ADAM22: variants seen among roughly 807,000 people sequenced by gnomAD.
ADAM22 encodes the protein ADAM metallopeptidase domain 22, also known as disintegrin and metalloproteinase domain-containing protein 22.
Under a neutral mutation model 144.6 loss-of-function variants are expected in ADAM22, and 65 were observed. That is an observed-to-expected ratio of 0.45 (90% confidence interval 0.37 to 0.55). ADAM22 has a LOEUF of 0.55. Ranked by LOEUF, ADAM22 falls within the 20% of genes least tolerant of loss-of-function variation. ADAM22 has a pLI of 0.00. For synonymous variants in ADAM22, 391 were observed against 412.6 expected (o/e 0.95, Z 0.63); for missense variants, 974 against 1,184.9 (o/e 0.82, Z 2.61).
At chr7:88,078,088 C>T (rs1481227995) in intron 4 of ADAM22, among the ~76,000 whole-genome samples, 3 of 152,146 alleles carry the variant, frequency 2.0e-5, no homozygotes, top group Admixed American at 6.5e-5. Context: ...CTGGGAGGCA[C>T]CCCCCAGTAG....
rs539571851 is a variant in ADAM22, at chr7:88,125,683, G to A, written c.678+24G>A. On this transcript the variant is annotated intron_variant, in intron 8 of 31. Transcript: ENST00000413139. ...AGGTATGTATTCACAGTGGTGTGTCGTGTTATTTTAAAACAATTGTCAACT... is the reference window on the plus strand; with the variant it reads ...AGGTATGTATTCACAGTGGTGTGTCATGTTATTTTAAAACAATTGTCAACT... The A allele has an allele frequency of 3.6e-5, 56 of 1,536,232 alleles. No homozygotes were observed. In the South Asian group the frequency reaches 4.6e-4, roughly 13 times the overall value.
intron 31 of ADAM22, among the ~76,000 whole-genome samples, chr7:88,193,844 C>A (rs1850126665): frequency 6.6e-6 from 1 of 152,204 alleles, no homozygotes; most frequent in Non-Finnish European, 1.5e-5. Flanking sequence ...TGATCCCAAA[C>A]CTAAATTATG....
chr7:88,045,296 G>A (rs1804323663), intron 3 of ADAM22, among the ~76,000 whole-genome samples: 1 of 152,168 alleles, frequency 6.6e-6, no homozygotes, highest in Non-Finnish European at 1.5e-5. Context: ...GGGATTATAG[G>A]CTTGAGCCAC....
In ADAM22 at chr7:88,185,228, T is replaced by C. The variant is rs1017168389; in HGVS notation, c.2664-1387T>C. Among the ~76,000 whole-genome samples the C allele has an allele frequency of 3.3e-5, 5 of 152,320 alleles. 1 individual carries two copies. In the South Asian group the frequency reaches 8.3e-4, roughly 25 times the overall value. ...TGTGAGTTGTTTCTGAGTCAGGAGA[T>C]ACTATCTTACCAAAAATGGTCTTAT... On this transcript the variant is annotated intron_variant, in intron 29 of 31. Transcript: ENST00000413139.
intron 3 of ADAM22, among the ~76,000 whole-genome samples, chr7:88,069,105 C>A (rs1279214429): frequency 6.6e-6 from 1 of 151,900 alleles, no homozygotes; most frequent in Non-Finnish European, 1.5e-5. Context: ...CCCCCTCTCT[C>A]TCTGGCTCGC....
At chr7:88,102,200 A>G (rs1326078240) in intron 4 of ADAM22, among the ~76,000 whole-genome samples, 2 of 152,172 alleles carry the variant, frequency 1.3e-5, no homozygotes, top group Non-Finnish European at 2.9e-5. Flanking sequence ...ACAGTTTGGT[A>G]TTGAATATTT....
intron 4 of ADAM22, among the ~76,000 whole-genome samples, chr7:88,099,059 A>G (rs951885457): frequency 6.6e-6 from 1 of 152,208 alleles, no homozygotes; most frequent in Non-Finnish European, 1.5e-5. Context: ...ACCTGTGATA[A>G]GATGGGCAGT....
chr7:88,074,411 C>T (rs952609832), intron 3 of ADAM22, among the ~76,000 whole-genome samples: 2 of 152,056 alleles, frequency 1.3e-5, no homozygotes, highest in South Asian at 4.1e-4. Flanking sequence ...CTGAAAATAT[C>T]TTAAAAGGGT....
At position 88,179,058 on chromosome 7, in the gene ADAM22, G is replaced by A. The variant is rs2129537282; in HGVS notation, c.2424G>A (p.Ser808=). ...SSSKKRSAFL[S]HFQISTCSIT... ...CTAAGAAGAGGTCTGCTTTTCTGTC[G>A]CATTTTCAGATTTCTACCTGTTCCA... The change falls in exon 27 of 32, where the codon TCG becomes TCA. Residue 808 remains serine (S), a synonymous_variant. Coordinates refer to ENST00000413139, the MANE Select transcript of ADAM22 (RefSeq NM_001324418.2). 3.8e-6 allele frequency: 6 copies of A among 1,589,172 alleles called. No homozygotes were observed. Among genetic ancestry groups the A allele is most frequent in the Non-Finnish European group, 5.2e-6 (6 of 1,157,794 alleles).
At chr7:88,176,423 C>A (rs568111911) in intron 26 of ADAM22, among the ~76,000 whole-genome samples, 1 of 152,164 alleles carries the variant, frequency 6.6e-6, no homozygotes, top group Admixed American at 6.5e-5. Flanking sequence ...AGGTGGTGCT[C>A]CAGAAGTACA....
chr7:88,144,360 A>T (rs1248685577), intron 15 of ADAM22, among the ~76,000 whole-genome samples: 1 of 152,208 alleles, frequency 6.6e-6, no homozygotes, highest in Non-Finnish European at 1.5e-5. Context: ...TATTCAAAAG[A>T]GAACAAAGTT....
At chr7:87,934,600 C>G in intron 1 of ADAM22, 50 bp downstream of exon 1, 2 of 1,543,594 alleles carry the variant, frequency 1.3e-6, no homozygotes, top group Non-Finnish European at 1.8e-6. Context: ...TCCCGGGAAT[C>G]TTTGGAGCCC....
intron 13 of ADAM22, among the ~76,000 whole-genome samples, chr7:88,135,200 C>T (rs1832713766): frequency 7.2e-6 from 1 of 139,844 alleles, no homozygotes; most frequent in Non-Finnish European, 1.5e-5. Flanking sequence ...ATCACTTGAA[C>T]CCAGGAGGCG....
rs371102611 is a variant in ADAM22 at position 87,950,142 on chromosome 7, T to A, written c.246+14956T>A. Among the ~76,000 whole-genome samples the A allele has an allele frequency of 1.2e-4, 18 of 152,084 alleles. No individual in the cohort carries two copies. In the East Asian group the frequency reaches 3.3e-3, roughly 28 times the overall value. On this transcript the variant is annotated intron_variant, in intron 2 of 31. Transcript: ENST00000413139. Reference sequence around the variant, plus strand: ...AAAGTAGCTTTGTAATGTTTCTTTTTTTATTATTATTATACTTTAAGTTTT... The same window carrying A: ...AAAGTAGCTTTGTAATGTTTCTTTTATTATTATTATTATACTTTAAGTTTT...
At chr7:88,174,815 C>G (rs1563393815) in intron 26 of ADAM22, among the ~76,000 whole-genome samples, 1 of 152,058 alleles carries the variant, frequency 6.6e-6, no homozygotes, top group East Asian at 1.9e-4. Context: ...TCTTTTCTCT[C>G]TCACCTGTTT....
In ADAM22 at chr7:88,201,462, A is replaced by T. The variant is rs1851197279; in HGVS notation, c.*4971A>T. On this transcript the variant is annotated 3_prime_UTR_variant, in exon 32 of 32. Transcript: ENST00000413139. ...TTCACAGGAAGATTCCTGAGGCCAG[A>T]TATGCAGGAGAGCACACATTGTCAC... 6.6e-6 allele frequency: 1 copy of T among 152,276 alleles called. No individual in the cohort carries two copies. The highest frequency in any genetic ancestry group is 1.5e-5 in the Non-Finnish European group (1 of 68,104). The allele number at this position is 152,276 out of a possible 1,614,324, so 9.4% of individuals were successfully genotyped here.
At chr7:88,093,541 T>C (rs995790573) in intron 4 of ADAM22, among the ~76,000 whole-genome samples, 1 of 151,990 alleles carries the variant, frequency 6.6e-6, no homozygotes, top group Non-Finnish European at 1.5e-5. Flanking sequence ...TTCTTTCTTT[T>C]TGTTGTTGTT....
intron 3 of ADAM22, among the ~76,000 whole-genome samples, chr7:88,071,860 A>G (rs1373922520): frequency 6.6e-6 from 1 of 152,156 alleles, no homozygotes; most frequent in Non-Finnish European, 1.5e-5. Context: ...ACCCATTTAC[A>G]TTAATATAAA....
chr7:88,101,915 G>A (rs1382437254), intron 4 of ADAM22, among the ~76,000 whole-genome samples: 1 of 152,204 alleles, frequency 6.6e-6, no homozygotes, highest in East Asian at 1.9e-4. Context: ...AGTCTATAGG[G>A]AGGCTTGAGA....
Sources: gnomAD v4.1 joint callset for allele counts (sites outside exome capture counted in the v4.1 genomes callset) on GRCh38, gnomAD v4.1.1 for gene constraint, MANE v1.5 for transcripts, NCBI Gene and HGNC (gene_info 2026-07-23, HGNC 2026-07-21) for gene names.